Variants in IGSF3 observed in about 807,000 individuals in gnomAD.
IGSF3 encodes immunoglobulin superfamily member 3.
Under a neutral mutation model 114.4 loss-of-function variants are expected in IGSF3, and 23 were observed. The ratio of observed to expected loss-of-function variants is 0.20; its 90% CI spans 0.14 to 0.28. IGSF3 has a LOEUF of 0.28. Ranked by LOEUF, IGSF3 falls within the 10% of genes least tolerant of loss-of-function variation. The probability of loss-of-function intolerance (pLI) is 1.00; values close to 1 mark genes in which losing one functional copy is unlikely to be tolerated. For synonymous variants in IGSF3, 571 were observed against 645.2 expected (o/e 0.88, Z 1.74); for missense variants, 1,172 against 1,591.5 (o/e 0.74, Z 4.48).
chr1:116,625,232 AAAAT>A lies in IGSF3; in HGVS notation c.44-8779_44-8776del, dbSNP rs1028528393. ...CAAGTTGTCCTAAGCTGACAATCCTAAAATAAATACACATAACTAATCATTTTAA... is the reference window on the plus strand; with the variant it reads ...CAAGTTGTCCTAAGCTGACAATCCTAAAATACACATAACTAATCATTTTAA... On this transcript the variant is annotated intron_variant, in intron 2 of 10. Transcript: ENST00000369486. This position sits in a 1 kb window ranked among gnomAD's most constrained non-coding sequence, Gnocchi z 4.7. 2.6e-5 allele frequency among the ~76,000 whole-genome samples: 4 copies of A among 152,254 alleles called. No individual in the cohort carries two copies. Among genetic ancestry groups the A allele is most frequent in the African/African-American group, 7.2e-5 (3 of 41,474 alleles).
chr1:116,600,113 G>C lies in IGSF3; in HGVS notation c.1857C>G (p.Ile619Met). The C allele has an allele frequency of 1.2e-6, 2 of 1,614,160 alleles. No homozygotes were observed. The highest frequency in any genetic ancestry group is 2.2e-5 in the South Asian group (2 of 91,074). The part of the protein sequence containing the change: ...RSSSFRTRTA[I>M]EKAESSNNVR... ...CGTTGTTGCTGGACTCAGCCTTCTC[G>C]ATGGCAGTTCGGGTTCGGAAGCTGG... The change falls in exon 7 of 11, where the codon ATC becomes ATG. Residue 619 changes from isoleucine (I) to methionine (M), a missense_variant. Physicochemically the swap from Ile to Met is conservative, Grantham distance 10. This residue lies in a region of IGSF3 where 736 missense variants were observed against 1,042.0 expected (regional missense o/e 0.71). Coordinates refer to ENST00000369486, the MANE Select transcript of IGSF3 (RefSeq NM_001007237.3). This position sits in a 1 kb window ranked among gnomAD's most constrained non-coding sequence, Gnocchi z 5.5.
Position 116,585,496 on chromosome 1 carries a change from C to A in IGSF3, c.2441-444G>T, listed in dbSNP as rs577120984. On this transcript the variant is annotated intron_variant, in intron 8 of 10. Coordinates refer to ENST00000369486, the MANE Select transcript of IGSF3 (RefSeq NM_001007237.3). The surrounding 1 kb of genome is among the most constrained non-coding windows in gnomAD (Gnocchi z 4.9). ...TGGCTAGAAAATGCTGGGCCACCAA[C>A]TACAAAAGAACTGCAGGGGAAAGCC... Among the ~76,000 whole-genome samples, 13 of 152,304 alleles carry A rather than the reference C, an allele frequency of 8.5e-5. No homozygotes were observed. The East Asian group carries it at 1.9e-3, about 23-fold the overall frequency.
At chr1:116,623,569 G>C (rs1313620578) in intron 2 of IGSF3, among the ~76,000 whole-genome samples, 2 of 152,100 alleles carry the variant, frequency 1.3e-5, no homozygotes, top group Non-Finnish European at 2.9e-5. Context: ...GCTATCAGGA[G>C]GCTGAGGCAG....
Position 116,615,930 on chromosome 1 carries a change from T to C in IGSF3, c.421+150A>G, listed in dbSNP as rs1467621120. On this transcript the variant is annotated intron_variant, in intron 3 of 10. Coordinates refer to ENST00000369486, the MANE Select transcript of IGSF3 (RefSeq NM_001007237.3). This position sits in a 1 kb window ranked among gnomAD's most constrained non-coding sequence, Gnocchi z 4.3. ...TTATTTAGAAGTGAACACAGAAATT[T>C]AGTTTCCTTGTGCTATCTGTTGACC... 8.5e-6 allele frequency: 5 copies of C among 587,642 alleles called. No individual in the cohort carries two copies. The highest frequency in any genetic ancestry group is 1.5e-5 in the Non-Finnish European group (5 of 326,968). 36.4% of individuals were successfully genotyped at this position (587,642 alleles called of 1,614,324 possible). A position where few individuals can be genotyped will look rare whatever the true frequency, so the allele number is the denominator to read the frequency against.
chr1:116,641,558 G>GA (rs1457600735), intron 2 of IGSF3, among the ~76,000 whole-genome samples: 8,089 of 93,342 alleles, frequency 0.087, 789 homozygotes, highest in African/African-American at 0.23. Flanking sequence ...GAAAAAGAAA[G>GA]AAGGAAAGAA....
chr1:116,662,183 G>T lies in IGSF3; in HGVS notation c.43+4101C>A, dbSNP rs1649147565. 6.6e-6 allele frequency among the ~76,000 whole-genome samples: 1 copy of T among 151,934 alleles called. No individual in the cohort carries two copies. The highest frequency in any genetic ancestry group is 2.4e-5 in the African/African-American group (1 of 41,358). ...CCTCCTGGGTTCAAGCGATTCTCCT[G>T]CCTCAGCCTCCCGAGTAGCTGGGAT... is the stretch of plus-strand genomic sequence containing the variant. On this transcript the variant is annotated intron_variant, in intron 2 of 10. Coordinates refer to ENST00000369486, the MANE Select transcript of IGSF3 (RefSeq NM_001007237.3). The surrounding 1 kb of genome is among the most constrained non-coding windows in gnomAD (Gnocchi z 4.3).
rs1177970393 is a variant in IGSF3 at position 116,642,242 on chromosome 1, A to C, written c.43+24042T>G. On this transcript the variant is annotated intron_variant, in intron 2 of 10. Transcript: ENST00000369486. The surrounding 1 kb of genome is among the most constrained non-coding windows in gnomAD (Gnocchi z 5.4). ...GCATGGATTACCTCTTATTAGAAAAAAAAACACGAAATTTTTTGGTAAAAG... is the reference window on the plus strand; with the variant it reads ...GCATGGATTACCTCTTATTAGAAAACAAAACACGAAATTTTTTGGTAAAAG... 6.6e-6 allele frequency among the ~76,000 whole-genome samples: 1 copy of C among 152,194 alleles called. No individual in the cohort carries two copies. Among genetic ancestry groups the C allele is most frequent in the Non-Finnish European group, 1.5e-5 (1 of 68,034 alleles).
At chr1:116,656,950 T>G (rs966600588) in intron 2 of IGSF3, among the ~76,000 whole-genome samples, 35 of 152,178 alleles carry the variant, frequency 2.3e-4, no homozygotes, top group African/African-American at 6.3e-4. Context: ...ATGAATTAAT[T>G]AATTAATTAA....
Position 116,585,794 on chromosome 1 carries a change from C to T in IGSF3, c.2441-742G>A, listed in dbSNP as rs537250796. Among the ~76,000 whole-genome samples the T allele has an allele frequency of 7.9e-5, 12 of 152,134 alleles. No homozygotes were observed. In the South Asian group the frequency reaches 1.2e-3, roughly 16 times the overall value. ...AAAATTAGCCAGGTGTGGTGGTGTG[C>T]GCCTGTAATCCCAGCTACTCGGGAG... On this transcript the variant is annotated intron_variant, in intron 8 of 10. Coordinates refer to ENST00000369486, the MANE Select transcript of IGSF3 (RefSeq NM_001007237.3). The surrounding 1 kb of genome is among the most constrained non-coding windows in gnomAD (Gnocchi z 4.9).
intron 2 of IGSF3, among the ~76,000 whole-genome samples, chr1:116,635,962 T>C (rs1457860214): frequency 6.6e-6 from 1 of 152,232 alleles, no homozygotes; most frequent in African/African-American, 2.4e-5. Context: ...CATCTTTGTG[T>C]GTCCCCTTGC....
intron 2 of IGSF3, among the ~76,000 whole-genome samples, chr1:116,660,465 C>T (rs1649062607): frequency 6.7e-6 from 1 of 150,148 alleles, no homozygotes; most frequent in South Asian, 2.1e-4. Context: ...CACACCTGGC[C>T]TATGTATGCT....
Position 116,647,820 on chromosome 1 carries a change from C to T in IGSF3, c.43+18464G>A, listed in dbSNP as rs1269704964. On this transcript the variant is annotated intron_variant, in intron 2 of 10. Coordinates refer to ENST00000369486, the MANE Select transcript of IGSF3 (RefSeq NM_001007237.3). The surrounding 1 kb of genome is among the most constrained non-coding windows in gnomAD (Gnocchi z 4.6). Reference sequence around the variant, plus strand: ...GAAGCAGTGTGTAAAATAAGAGCAGCTGACTGGGCACGGTGGCTCACGCCT... The same window carrying T: ...GAAGCAGTGTGTAAAATAAGAGCAGTTGACTGGGCACGGTGGCTCACGCCT... 2.0e-5 allele frequency among the ~76,000 whole-genome samples: 3 copies of T among 152,176 alleles called. No individual in the cohort carries two copies. The highest frequency in any genetic ancestry group is 4.4e-5 in the Non-Finnish European group (3 of 68,010).
chr1:116,655,277 T>C lies in IGSF3; in HGVS notation c.43+11007A>G, dbSNP rs1417428382. On this transcript the variant is annotated intron_variant, in intron 2 of 10. Coordinates refer to ENST00000369486, the MANE Select transcript of IGSF3 (RefSeq NM_001007237.3). The surrounding 1 kb of genome is among the most constrained non-coding windows in gnomAD (Gnocchi z 4.3). ...GAAAAGTATTAGAAGTAGATTCTAC[T>C]AGAACAGGGGCTACCCCCAGAGGTC... Among the ~76,000 whole-genome samples the C allele has an allele frequency of 6.6e-6, 1 of 152,198 alleles. No individual in the cohort carries two copies.
At position 116,606,472 on chromosome 1, in the gene IGSF3, T is replaced by C. The variant is rs755925692; in HGVS notation, c.1222+1470A>G. On this transcript the variant is annotated intron_variant, in intron 5 of 10. Transcript: ENST00000369486. ...GTCACCATTACCGATGTGATTGTTG[T>C]TGTTCTTCGGCAGACTTACCCAAGT... The C allele has an allele frequency of 2.7e-5, 44 of 1,612,480 alleles. 1 individual carries two copies. In the South Asian group the frequency reaches 4.5e-4, roughly 17 times the overall value.
chr1:116,610,082 G>C lies in IGSF3; in HGVS notation c.833-1751C>G, dbSNP rs1660957021. Among the ~76,000 whole-genome samples, 1 of 152,194 alleles carries C rather than the reference G, an allele frequency of 6.6e-6. No individual in the cohort carries two copies. The highest frequency in any genetic ancestry group is 6.5e-5 in the Admixed American group (1 of 15,286). ...AGCTCCCAAGAGACCAGTCTTAAGA[G>C]GCATGGATTGAAGGAAGCACATTTC... is the stretch of plus-strand genomic sequence containing the variant. On this transcript the variant is annotated intron_variant, in intron 4 of 10. Coordinates refer to ENST00000369486, the MANE Select transcript of IGSF3 (RefSeq NM_001007237.3). This position sits in a 1 kb window ranked among gnomAD's most constrained non-coding sequence, Gnocchi z 4.3.
In IGSF3 at chr1:116,603,868, G is replaced by T; in HGVS notation, c.1380C>A (p.Ile460=). The T allele has an allele frequency of 6.2e-7, 1 of 1,614,032 alleles. No homozygotes were observed. The highest frequency in any genetic ancestry group is 1.1e-5 in the South Asian group (1 of 91,074). The change falls in exon 6 of 11, where the codon ATC becomes ATA. Residue 460 remains isoleucine (I), a synonymous_variant. Coordinates refer to ENST00000369486, the MANE Select transcript of IGSF3 (RefSeq NM_001007237.3). The surrounding 1 kb of genome is among the most constrained non-coding windows in gnomAD (Gnocchi z 7.1). ...CGGTGCCATCCCGGTCTAGCCACAT[G>T]ATATTGCTGCGGCGGTTCTGCCTGT... is the stretch of plus-strand genomic sequence containing the variant. The part of the protein sequence containing the change: ...LVDRQNRRSN[I]MWLDRDGTVQ...
rs1242925271 is a variant in IGSF3, at chr1:116,647,223, C to G, written c.43+19061G>C. ...GAATCACCTCACTGCTGCCGATGCC[C>G]TTGACAGCGATGTCTGAGGCTGGCG... On this transcript the variant is annotated intron_variant, in intron 2 of 10. Transcript: ENST00000369486. The surrounding 1 kb of genome is among the most constrained non-coding windows in gnomAD (Gnocchi z 4.6). 2.6e-5 allele frequency among the ~76,000 whole-genome samples: 4 copies of G among 152,248 alleles called. No homozygotes were observed. Among genetic ancestry groups the G allele is most frequent in the African/African-American group, 7.2e-5 (3 of 41,468 alleles).
chr1:116,635,032 C>T (rs923318603), intron 2 of IGSF3, among the ~76,000 whole-genome samples: 2 of 152,180 alleles, frequency 1.3e-5, no homozygotes, highest in African/African-American at 2.4e-5. Context: ...GCCAGAACCA[C>T]GAGCCCAGCC....
At position 116,664,624 on chromosome 1, in the gene IGSF3, G is replaced by A. The variant is rs12127324; in HGVS notation, c.43+1660C>T. Among the ~76,000 whole-genome samples, 6,055 of 152,236 alleles carry A rather than the reference G, an allele frequency of 0.04. 163 individuals carry two copies. The highest frequency in any genetic ancestry group is 0.065 in the Non-Finnish European group (4,400 of 68,014). ...GCTGATTTAAACCCAGACACTAAGC[G>A]AATGACACATACAGTACAACAAATA... On this transcript the variant is annotated intron_variant, in intron 2 of 10. Coordinates refer to ENST00000369486, the MANE Select transcript of IGSF3 (RefSeq NM_001007237.3). This position sits in a 1 kb window ranked among gnomAD's most constrained non-coding sequence, Gnocchi z 4.6.
Sources: allele counts gnomAD v4.1 joint callset (sites outside exome capture counted in the v4.1 genomes callset), GRCh38; gene constraint gnomAD v4.1.1; regional missense constraint gnomAD v4.1.1; non-coding constraint Gnocchi (gnomAD v3.1); transcripts MANE v1.5; gene names NCBI Gene and HGNC (gene_info 2026-07-23, HGNC 2026-07-21).